Variants in ZBBX observed in about 807,000 individuals in gnomAD.
The protein encoded by ZBBX is zinc finger B-box domain-containing protein 1.
In ZBBX, 101 loss-of-function variants were observed where a neutral mutation model predicts 108.5. That is an observed-to-expected ratio of 0.93 (90% CI 0.79 to 1.10). ZBBX has a LOEUF of 1.10. Among genes scored for constraint, ZBBX ranks in the 50% least tolerant of loss-of-function variants. The pLI, the probability that ZBBX is intolerant of heterozygous loss-of-function variation, is 0.00. For missense variants in ZBBX, 1,009 were observed against 941.4 expected (o/e 1.07, Z -0.94); for synonymous variants, 356 against 323.4 (o/e 1.10, Z -1.08).
At chr3:167,357,185 G>A (rs890952382) in intron 8 of ZBBX, among the ~76,000 whole-genome samples, 2 of 152,120 alleles carry the variant, frequency 1.3e-5, no homozygotes, top group African/African-American at 4.8e-5. Context: ...TTAGAGCCCT[G>A]TGGCATTCCA....
intron 20 of ZBBX, among the ~76,000 whole-genome samples, chr3:167,252,939 C>T (rs575370993): frequency 3.9e-5 from 6 of 152,056 alleles, no homozygotes; most frequent in Non-Finnish European, 7.4e-5. Flanking sequence ...GTATGTTTGT[C>T]CTTTTAGATC....
intron 1 of ZBBX, among the ~76,000 whole-genome samples, chr3:167,402,283 T>G (rs1372667144): frequency 6.6e-6 from 1 of 152,144 alleles, no homozygotes; most frequent in Non-Finnish European, 1.5e-5. Flanking sequence ...TCAAAGATAT[T>G]GCAAGGAATC....
chr3:167,405,383 C>T (rs1748550843), intron 1 of ZBBX, among the ~76,000 whole-genome samples: 1 of 151,980 alleles, frequency 6.6e-6, no homozygotes, highest in African/African-American at 2.4e-5. Context: ...GATGAGATAA[C>T]GAGACAGGAA....
chr3:167,185,381 A>G, the ZBBX span, among the ~76,000 whole-genome samples: 1 of 152,160 alleles, frequency 6.6e-6, no homozygotes, highest in Non-Finnish European at 1.5e-5. Flanking sequence ...TTAGAGGTAC[A>G]GTAAAATTTG....
Position 167,317,986 on chromosome 3 carries a change from C to T in ZBBX, c.984-389G>A, listed in dbSNP as rs190584940. On this transcript the variant is annotated intron_variant, in intron 12 of 21. Transcript: ENST00000675490. Reference sequence around the variant, plus strand: ...CTTGGCATTGTGTTGATGAGTTCTACGGGAACCTGAGGGCATTTGTCTAAA... The same window carrying T: ...CTTGGCATTGTGTTGATGAGTTCTATGGGAACCTGAGGGCATTTGTCTAAA... Among the ~76,000 whole-genome samples, 106 of 152,002 alleles carry T rather than the reference C, an allele frequency of 7.0e-4. 1 individual carries two copies. The highest frequency in any genetic ancestry group is 1.2e-3 in the Non-Finnish European group (81 of 67,882).
At position 167,322,161 on chromosome 3, in the gene ZBBX, G is replaced by T; in HGVS notation, c.939C>A (p.Asp313Glu). 1 of 1,436,270 alleles carries T rather than the reference G, an allele frequency of 7.0e-7. No individual in the cohort carries two copies. Among genetic ancestry groups the T allele is most frequent in the Non-Finnish European group, 9.3e-7 (1 of 1,078,906 alleles). The allele number at this position is 1,436,270 out of a possible 1,614,324, so 89.0% of individuals were successfully genotyped here. Residue 313 changes from aspartate (D) to glutamate (E), a missense_variant, in exon 12 of 22, where the codon GAC becomes GAA. By Grantham distance (45) the Asp-to-Glu change is conservative. Coordinates refer to ENST00000675490, the MANE Select transcript of ZBBX (RefSeq NM_001199201.2). ...REPLNIELKE[D>E]ILSYMEKLWL... ...ATAATTTTTCCATATAGGATAGAAT[G>T]TCTTCTTTAAGTTCAATATTAAGTG...
chr3:167,235,878 A>C (rs577487027), downstream of ZBBX, among the ~76,000 whole-genome samples: 2 of 151,672 alleles, frequency 1.3e-5, no homozygotes, highest in Non-Finnish European at 3.0e-5. Context: ...TCATGGTGTC[A>C]CTAACAAAGA....
At chr3:167,303,296 T>C (rs1733036123) in intron 17 of ZBBX, among the ~76,000 whole-genome samples, 2 of 152,204 alleles carry the variant, frequency 1.3e-5, no homozygotes, top group African/African-American at 4.8e-5. Flanking sequence ...CAACAATCCC[T>C]ACAATGATCT....
downstream of ZBBX, among the ~76,000 whole-genome samples, chr3:167,236,915 G>C (rs1720252582): frequency 6.6e-6 from 1 of 151,756 alleles, no homozygotes; most frequent in South Asian, 2.1e-4. Context: ...GGGGCAAAAG[G>C]AATTAATTTG....
chr3:167,192,337 T>A, the ZBBX span, among the ~76,000 whole-genome samples: 7 of 152,188 alleles, frequency 4.6e-5, no homozygotes, highest in Non-Finnish European at 8.8e-5. Flanking sequence ...TCAACTTTTG[T>A]TTGTCTAGGA....
At chr3:167,222,850 G>T in the ZBBX span, among the ~76,000 whole-genome samples, 1 of 73,056 alleles carries the variant, frequency 1.4e-5, no homozygotes, top group Non-Finnish European at 2.8e-5. Context: ...CCAACATATA[G>T]TTAGAATAAA....
chr3:167,227,595 C>T, the ZBBX span, among the ~76,000 whole-genome samples: 2 of 151,636 alleles, frequency 1.3e-5, no homozygotes, highest in Admixed American at 1.3e-4. Context: ...CATTTTCATA[C>T]GTGGTCACCT....
chr3:167,266,439 A>T (rs927128207), intron 20 of ZBBX, among the ~76,000 whole-genome samples: 4 of 152,146 alleles, frequency 2.6e-5, no homozygotes, highest in Admixed American at 2.6e-4. Flanking sequence ...CCTTCCCGTC[A>T]GTTCTAATCA....
At chr3:167,342,791 A>C (rs1740765719) in intron 9 of ZBBX, among the ~76,000 whole-genome samples, 1 of 149,760 alleles carries the variant, frequency 6.7e-6, no homozygotes, top group Non-Finnish European at 1.5e-5. Context: ...GGTAAGTGTT[A>C]TTACCACAAA....
chr3:167,350,781 T>A lies in ZBBX; in HGVS notation c.433-266A>T, dbSNP rs146306404. ...AAAATAAATGTAGTTTTAATGTAGG[T>A]TTGGGGTGTATATTTTAGATGCATG... On this transcript the variant is annotated intron_variant, in intron 8 of 21. Transcript: ENST00000675490. Among the ~76,000 whole-genome samples, 280 of 151,928 alleles carry A rather than the reference T, an allele frequency of 1.8e-3. 11 individuals carry two copies. The East Asian group carries it at 0.039, about 21-fold the overall frequency.
chr3:167,236,280 C>T (rs1391283440), downstream of ZBBX, among the ~76,000 whole-genome samples: 1 of 151,720 alleles, frequency 6.6e-6, no homozygotes, highest in Non-Finnish European at 1.5e-5. Context: ...TCACTGCAAG[C>T]ATTCTGTACT....
At chr3:167,179,971 G>C in the ZBBX span, among the ~76,000 whole-genome samples, 54 of 152,268 alleles carry the variant, frequency 3.5e-4, no homozygotes, top group African/African-American at 1.2e-3. Flanking sequence ...AGTTTTTCCA[G>C]GATCACATCC....
chr3:167,364,891 G>A lies in ZBBX; in HGVS notation c.273+995C>T, dbSNP rs771407968. Among the ~76,000 whole-genome samples the A allele has an allele frequency of 7.0e-4, 106 of 151,696 alleles. 1 individual carries two copies. Among genetic ancestry groups the A allele is most frequent in the Admixed American group, 5.9e-4 (9 of 15,206 alleles). On this transcript the variant is annotated intron_variant, in intron 6 of 21. Transcript: ENST00000675490. Reference sequence around the variant, plus strand: ...CTTTTCTAAGTCCTTTCTTTATGCTGTCTCTTAGTCAATCCAGCCTGTAAT... The same window carrying A: ...CTTTTCTAAGTCCTTTCTTTATGCTATCTCTTAGTCAATCCAGCCTGTAAT...
At chr3:167,182,144 G>A in the ZBBX span, among the ~76,000 whole-genome samples, 1 of 151,928 alleles carries the variant, frequency 6.6e-6, no homozygotes, top group South Asian at 2.1e-4. Flanking sequence ...GTCTTTTTTA[G>A]TGTGACCATG....
Sources: allele counts gnomAD v4.1 joint callset (sites outside exome capture counted in the v4.1 genomes callset), GRCh38; gene constraint gnomAD v4.1.1; transcripts MANE v1.5; gene names NCBI Gene and HGNC (gene_info 2026-07-23, HGNC 2026-07-21).